The following AARSD1 variants were observed in gnomAD, a reference collection of about 807,000 sequenced individuals.
AARSD1 encodes alanyl-tRNA editing protein Aarsd1.
In AARSD1, 44 loss-of-function variants were observed where a neutral mutation model predicts 48.7. The observed-to-expected ratio is 0.90, with a 90% CI of 0.71 to 1.16. The LOEUF (loss-of-function observed/expected upper bound fraction) is 1.16. Ranked by LOEUF, AARSD1 falls within the 50% of genes most tolerant of loss-of-function variation. The pLI is 0.00. For synonymous variants in AARSD1, 189 were observed against 194.9 expected (o/e 0.97, Z 0.25); for missense variants, 511 against 523.1 (o/e 0.98, Z 0.23).
intron 3 of AARSD1, among the ~76,000 whole-genome samples, chr17:42,957,895 G>A (rs950380179): frequency 6.6e-6 from 1 of 151,994 alleles, no homozygotes; most frequent in Non-Finnish European, 1.5e-5. Context: ...GAGTGATGAT[G>A]AGGAGAAAGA....
intron 3 of AARSD1, 27 bp downstream of exon 3, chr17:42,961,165 T>C (rs975183146): frequency 2.5e-6 from 4 of 1,593,964 alleles, no homozygotes; most frequent in African/African-American, 2.7e-5. Context: ...ACTGCTCCGG[T>C]GTTATGTCCC....
At chr17:42,952,860 C>A (rs2049498083) in intron 10 of AARSD1, among the ~76,000 whole-genome samples, 2 of 149,672 alleles carry the variant, frequency 1.3e-5, no homozygotes, top group South Asian at 4.2e-4. Context: ...GTTGCCCAGG[C>A]TGGAGTGCAG....
rs1012273242 is a variant in AARSD1 at position 42,961,331 on chromosome 17, G to C, written c.192C>G (p.Ile64Met). The change falls in exon 3 of 12, where the codon ATC (isoleucine) becomes ATG (methionine). Residue 64 changes from isoleucine to methionine, a missense_variant. Physicochemically the swap from Ile to Met is conservative, Grantham distance 10. Coordinates refer to ENST00000427569, the MANE Select transcript of AARSD1 (RefSeq NM_001261434.2). Reference protein sequence around the residue: ...GGGQPDDRGTINDISVLRVTR... With the variant: ...GGGQPDDRGTMNDISVLRVTR... ...TCACTCTCAGCACAGAGATGTCATT[G>C]ATTGTACCACGGTCATCAGGCTGGT... is the stretch of plus-strand genomic sequence containing the variant. The C allele has an allele frequency of 1.1e-5, 17 of 1,613,976 alleles. No individual in the cohort carries two copies. The highest frequency in any genetic ancestry group is 1.3e-5 in the Non-Finnish European group (15 of 1,179,996).
rs1482956894 is a variant in AARSD1 at position 42,955,882 on chromosome 17, T to C, written c.754A>G (p.Arg252Gly). The change falls in exon 7 of 12, where the codon AGA (arginine) becomes GGA (glycine). Residue 252 changes from arginine to glycine, a missense_variant. Arg to Gly is a moderately radical substitution (Grantham distance 125). Transcript: ENST00000427569. Reference protein sequence around the residue: ...SGNRVLKWMERSHGTEKALTA... With the variant: ...SGNRVLKWMEGSHGTEKALTA... ...AGTGCTTTTTCAGTTCCATGACTTC[T>C]CTCCATCCACTTCAGCACCCGGTTC... 1.9e-6 allele frequency: 3 copies of C among 1,614,024 alleles called. No individual in the cohort carries two copies. The highest frequency in any genetic ancestry group is 2.5e-6 in the Non-Finnish European group (3 of 1,180,028).
At chr17:42,959,894 C>T (rs1430206470) in intron 3 of AARSD1, among the ~76,000 whole-genome samples, 1 of 151,752 alleles carries the variant, frequency 6.6e-6, no homozygotes, top group Non-Finnish European at 1.5e-5. Context: ...GATCTCTTAA[C>T]TTCATGATCT....
At chr17:42,963,713 G>C (rs2049670355) in intron 2 of AARSD1, among the ~76,000 whole-genome samples, 1 of 151,940 alleles carries the variant, frequency 6.6e-6, no homozygotes, top group African/African-American at 2.4e-5. Context: ...AGCACCACTA[G>C]ATAATTGCAA....
chr17:42,964,022 T>C (rs1244423264), intron 2 of AARSD1, 84 bp downstream of exon 2: 5 of 1,587,762 alleles, frequency 3.1e-6, no homozygotes, highest in Non-Finnish European at 4.3e-6. Context: ...GAATTCATTA[T>C]GGCTGAGAAA....
chr17:42,959,104 G>A (rs1169592146), intron 3 of AARSD1, among the ~76,000 whole-genome samples: 2 of 144,230 alleles, frequency 1.4e-5, no homozygotes, highest in Non-Finnish European at 3.0e-5. Flanking sequence ...GGCTGAGGCA[G>A]GAGAATCACC....
At chr17:42,952,633 G>A (rs1016115017) in intron 10 of AARSD1, among the ~76,000 whole-genome samples, 40 of 151,938 alleles carry the variant, frequency 2.6e-4, no homozygotes, top group African/African-American at 9.2e-4. Context: ...TCACGCCACT[G>A]TACTCCAGCC....
At chr17:42,951,967 C>G (rs1016917041) in intron 10 of AARSD1, 73 bp from the exon 11 acceptor site, 13 of 1,485,762 alleles carry the variant, frequency 8.7e-6, no homozygotes, top group Non-Finnish European at 1.2e-5. Context: ...CCTGCACTCT[C>G]TTCAATCTTA....
chr17:42,953,874 C>CT (rs1463274614), intron 9 of AARSD1, 96 bp from the exon 10 acceptor site: 6 of 1,492,446 alleles, frequency 4.0e-6, no homozygotes, highest in Middle Eastern at 1.7e-4. Flanking sequence ...GCCTTGCTGC[C>CT]TATGTACACA....
chr17:42,956,474 T>C lies in AARSD1; in HGVS notation c.476A>G (p.Asn159Ser), dbSNP rs772268689. The C allele has an allele frequency of 1.1e-5, 17 of 1,613,894 alleles. No individual in the cohort carries two copies. Among genetic ancestry groups the C allele is most frequent in the Admixed American group, 5.0e-5 (3 of 59,968 alleles). ...AGGCAGCCGATCTCTGATTTTTTCA[T>C]TGACGCTCTGCTCAATGGCAGCTAC... ...EQVAAIEQSV[N>S]EKIRDRLPVN... The change falls in exon 5 of 12, where the codon AAT (asparagine) becomes AGT (serine). Residue 159 changes from asparagine to serine, a missense_variant. Transcript: ENST00000427569.
At position 42,950,551 on chromosome 17, in the gene AARSD1, C is replaced by T. The variant is rs2049465157; in HGVS notation, c.*42G>A. 1.9e-6 allele frequency: 3 copies of T among 1,560,932 alleles called. No homozygotes were observed. Among genetic ancestry groups the T allele is most frequent in the East Asian group, 2.3e-5 (1 of 43,868 alleles). ...TTCTGAGTCAATCTATTTTATTGAC[C>T]AAAAGATTCCTGTGGAAACAGGAGG... On this transcript the variant is annotated 3_prime_UTR_variant, in exon 12 of 12. Coordinates refer to ENST00000427569, the MANE Select transcript of AARSD1 (RefSeq NM_001261434.2).
rs370954246 is a variant in AARSD1 at position 42,956,479 on chromosome 17, G to A, written c.471C>T (p.Ser157=). The A allele has an allele frequency of 5.5e-5, 89 of 1,613,744 alleles. No homozygotes were observed. Among genetic ancestry groups the A allele is most frequent in the Non-Finnish European group, 6.9e-5 (81 of 1,180,008 alleles). Residue 157 remains serine (S), a synonymous_variant, in exon 5 of 12, where the codon AGC becomes AGT. Coordinates refer to ENST00000427569, the MANE Select transcript of AARSD1 (RefSeq NM_001261434.2). The part of the protein sequence containing the change: ...TAEQVAAIEQ[S]VNEKIRDRLP... Reference sequence around the variant, plus strand: ...GCCGATCTCTGATTTTTTCATTGACGCTCTGCTCAATGGCAGCTACTTGCT... The same window carrying A: ...GCCGATCTCTGATTTTTTCATTGACACTCTGCTCAATGGCAGCTACTTGCT...
rs2049538614 is a variant in AARSD1 at position 42,955,622 on chromosome 17, T to C, written c.794+220A>G. On this transcript the variant is annotated intron_variant, in intron 7 of 11. Coordinates refer to ENST00000427569, the MANE Select transcript of AARSD1 (RefSeq NM_001261434.2). ...CCTGGCTAAGTTCTTTTTGTATTTT[T>C]AGTAGAGACGGGGTTTCACGGTGTT... 4.6e-6 allele frequency: 3 copies of C among 646,404 alleles called. No homozygotes were observed. The South Asian group carries it at 6.1e-5, about 13-fold the overall frequency. 40.0% of individuals were successfully genotyped at this position (646,404 alleles called of 1,614,324 possible). A position where few individuals can be genotyped will look rare whatever the true frequency, so the allele number is the denominator to read the frequency against.
rs1469677375 is a variant in AARSD1 at position 42,950,680 on chromosome 17, A to G, written c.1152T>C (p.Phe384=). The G allele has an allele frequency of 5.0e-6, 8 of 1,613,980 alleles. No homozygotes were observed. Among genetic ancestry groups the G allele is most frequent in the Non-Finnish European group, 5.9e-6 (7 of 1,179,986 alleles). The change falls in exon 12 of 12, where the codon TTT becomes TTC. Residue 384 remains phenylalanine (F), a synonymous_variant. Coordinates refer to ENST00000427569, the MANE Select transcript of AARSD1 (RefSeq NM_001261434.2). ...EGKGAGKKGR[F]QGKATKMSRR... ...GGCTCATCTTGGTGGCCTTGCCCTG[A>G]AAACGGCCTTTCTTCCCTGCTCCTT...
chr17:42,963,291 G>A (rs2049663391), intron 2 of AARSD1, among the ~76,000 whole-genome samples: 1 of 151,202 alleles, frequency 6.6e-6, no homozygotes, highest in African/African-American at 2.4e-5. Flanking sequence ...ATGTTGGTCA[G>A]GCTACTTGGG....
At chr17:42,957,298 T>C in intron 3 of AARSD1, 103 bp from the exon 4 acceptor site, 1 of 1,483,014 alleles carries the variant, frequency 6.7e-7, no homozygotes, top group Non-Finnish European at 9.2e-7. Context: ...ATTCTCCTTG[T>C]TGAAGACCTG....
In AARSD1 at chr17:42,962,192, C is replaced by T. The variant is rs149493391; in HGVS notation, c.172-841G>A. ...GTGCACACCTGTAGTCCTAGCTACT[C>T]GGGAGACTGAGGCAGGGGAATTGCT... On this transcript the variant is annotated intron_variant, in intron 2 of 11. Transcript: ENST00000427569. 27 of 281,888 alleles carry T rather than the reference C, an allele frequency of 9.6e-5. 1 individual carries two copies. Among genetic ancestry groups the T allele is most frequent in the South Asian group, 1.3e-4 (5 of 38,834 alleles). The allele number at this position is 281,888 out of a possible 1,614,324, so 17.5% of individuals were successfully genotyped here.
Sources: allele counts gnomAD v4.1 joint callset (sites outside exome capture counted in the v4.1 genomes callset), GRCh38; gene constraint gnomAD v4.1.1; transcripts MANE v1.5; gene names NCBI Gene and HGNC (gene_info 2026-07-23, HGNC 2026-07-21).